Variants in CDIN1 observed in about 807,000 individuals in gnomAD.
CDIN1 encodes CDAN1-interacting nuclease 1.
Under a neutral mutation model 45.3 loss-of-function variants are expected in CDIN1, and 33 were observed. That is an observed-to-expected ratio of 0.73 (90% CI 0.55 to 0.97). The LOEUF (loss-of-function observed/expected upper bound fraction) is 0.97. Ranked by LOEUF, CDIN1 falls within the 50% of genes least tolerant of loss-of-function variation. The pLI is 0.00. For missense variants in CDIN1, 303 were observed against 339.4 expected (o/e 0.89, Z 0.84); for synonymous variants, 118 against 124.4 (o/e 0.95, Z 0.34).
chr15:36,656,246 G>T (rs2040776841), intron 4 of CDIN1, among the ~76,000 whole-genome samples: 1 of 152,116 alleles, frequency 6.6e-6, no homozygotes, highest in Non-Finnish European at 1.5e-5. Context: ...TTTATGAGCT[G>T]ATATTTATTT....
chr15:36,653,962 A>G (rs1006307923), intron 3 of CDIN1, 136 bp from the exon 4 acceptor site: 9 of 623,120 alleles, frequency 1.4e-5, no homozygotes, highest in African/African-American at 9.2e-5. Context: ...GTGCTTTCCT[A>G]TGAAAGTAGC....
intron 10 of CDIN1, among the ~76,000 whole-genome samples, chr15:36,728,798 C>T (rs1235488305): frequency 2.6e-5 from 4 of 152,036 alleles, no homozygotes; most frequent in Non-Finnish European, 4.4e-5. Context: ...CTCAGCCTCC[C>T]GAGTAGCTGG....
chr15:36,625,987 A>G (rs2039406688), intron 1 of CDIN1, among the ~76,000 whole-genome samples: 1 of 152,214 alleles, frequency 6.6e-6, no homozygotes. Flanking sequence ...TTTATTCAAG[A>G]TGAACTCTAC....
intron 10 of CDIN1, among the ~76,000 whole-genome samples, chr15:36,756,865 G>T (rs1185823553): frequency 3.3e-5 from 5 of 152,110 alleles, no homozygotes; most frequent in Non-Finnish European, 5.9e-5. Flanking sequence ...GACAATAGGG[G>T]CCCTGGCTAA....
At chr15:36,783,507 A>C (rs1287685449) in intron 10 of CDIN1, among the ~76,000 whole-genome samples, 2 of 152,094 alleles carry the variant, frequency 1.3e-5, no homozygotes, top group African/African-American at 4.8e-5. Context: ...CCTTTCGCCC[A>C]GTTAGTTGGT....
intron 10 of CDIN1, among the ~76,000 whole-genome samples, chr15:36,790,527 C>T (rs2054617053): frequency 6.6e-6 from 1 of 152,150 alleles, no homozygotes; most frequent in Non-Finnish European, 1.5e-5. Flanking sequence ...AAAAGAGGGC[C>T]TTAATTGTTC....
intron 1 of CDIN1, among the ~76,000 whole-genome samples, chr15:36,623,192 A>G (rs2039275397): frequency 6.6e-6 from 1 of 152,132 alleles, no homozygotes; most frequent in Non-Finnish European, 1.5e-5. Flanking sequence ...TATATATGCC[A>G]AGGGAAATGT....
chr15:36,670,078 G>A (rs1454666868), intron 5 of CDIN1, among the ~76,000 whole-genome samples: 1 of 151,978 alleles, frequency 6.6e-6, no homozygotes, highest in Non-Finnish European at 1.5e-5. Context: ...CTGTAAGGAA[G>A]TTTAGTCTCC....
intron 1 of CDIN1, chr15:36,613,863 G>C: frequency 6.3e-7 from 1 of 1,585,800 alleles, no homozygotes; most frequent in Non-Finnish European, 8.6e-7. Context: ...GAGGTGGCTT[G>C]TAAGTGGGTG....
chr15:36,709,119 C>T, intron 8 of CDIN1, 104 bp from the exon 9 acceptor site: 1 of 916,556 alleles, frequency 1.1e-6, no homozygotes, highest in Non-Finnish European at 1.6e-6. Flanking sequence ...ATATGTATGA[C>T]TACAGTAGTA....
chr15:36,624,523 G>A (rs1249204140), intron 1 of CDIN1, among the ~76,000 whole-genome samples: 2 of 152,120 alleles, frequency 1.3e-5, no homozygotes, highest in Non-Finnish European at 2.9e-5. Context: ...AAAATCTATA[G>A]TTTTTTCAAA....
chr15:36,764,400 G>A (rs959842719), intron 10 of CDIN1, among the ~76,000 whole-genome samples: 1 of 152,116 alleles, frequency 6.6e-6, no homozygotes, highest in Non-Finnish European at 1.5e-5. Context: ...AGCAAAGGTA[G>A]TTTGTACATA....
At chr15:36,608,111 T>G (rs1415904677) in intron 1 of CDIN1, among the ~76,000 whole-genome samples, 2 of 152,248 alleles carry the variant, frequency 1.3e-5, no homozygotes, top group Non-Finnish European at 2.9e-5. Context: ...TTTCCCTTTT[T>G]GGGCTATTAT....
At chr15:36,794,912 A>G (rs2141100827) in intron 10 of CDIN1, among the ~76,000 whole-genome samples, 1 of 152,378 alleles carries the variant, frequency 6.6e-6, no homozygotes, top group Middle Eastern at 3.4e-3. Flanking sequence ...ATGAATGAAG[A>G]AAATGTGTAT....
At position 36,617,068 on chromosome 15, in the gene CDIN1, T is replaced by C. The variant is rs985186038; in HGVS notation, c.102-27210T>C. 3 of 778,342 alleles carry C rather than the reference T, an allele frequency of 3.9e-6. No homozygotes were observed. The Admixed American group carries it at 5.1e-5, about 13-fold the overall frequency. The allele number at this position is 778,342 out of a possible 1,614,324, so 48.2% of individuals were successfully genotyped here. ...GTTAGAGTTGCAGCTGTGGGAACGA[T>C]TGGGCCGAGCAGAGGACGACATGTT... On this transcript the variant is annotated intron_variant, in intron 1 of 10. Coordinates refer to ENST00000566621, the MANE Select transcript of CDIN1 (RefSeq NM_001321759.2).
At chr15:36,674,556 A>G (rs558074545) in intron 5 of CDIN1, among the ~76,000 whole-genome samples, 13 of 152,302 alleles carry the variant, frequency 8.5e-5, no homozygotes, top group South Asian at 2.1e-4. Context: ...ACACACAACT[A>G]TTTTGCAGAA....
At chr15:36,612,705 A>T (rs1320770937) in intron 1 of CDIN1, among the ~76,000 whole-genome samples, 1 of 152,162 alleles carries the variant, frequency 6.6e-6, no homozygotes, top group East Asian at 1.9e-4. Flanking sequence ...CAGGACTTGT[A>T]TATGGCTTTT....
intron 1 of CDIN1, among the ~76,000 whole-genome samples, chr15:36,597,526 T>C (rs2037895030): frequency 6.6e-6 from 1 of 152,358 alleles, no homozygotes; most frequent in South Asian, 2.1e-4. Flanking sequence ...CCAGGTACCA[T>C]TATCACCATG....
At position 36,701,728 on chromosome 15, in the gene CDIN1, C is replaced by G. The variant is rs546243986; in HGVS notation, c.544+4338C>G. ...TGCTAACAATTATTTTGAGTGACAC[C>G]TGGGAGGCATTTGCTGTGCCCCTGC... On this transcript the variant is annotated intron_variant, in intron 8 of 10. Coordinates refer to ENST00000566621, the MANE Select transcript of CDIN1 (RefSeq NM_001321759.2). Among the ~76,000 whole-genome samples the G allele has an allele frequency of 3.0e-3, 457 of 152,222 alleles. 2 individuals carry two copies. The highest frequency in any genetic ancestry group is 4.3e-3 in the Non-Finnish European group (291 of 68,018).
Sources: allele counts gnomAD v4.1 joint callset (sites outside exome capture counted in the v4.1 genomes callset), GRCh38; gene constraint gnomAD v4.1.1; transcripts MANE v1.5; gene names NCBI Gene and HGNC (gene_info 2026-07-23, HGNC 2026-07-21).